The following NEK11 variants were observed in gnomAD, a reference collection of about 807,000 sequenced individuals.
The protein encoded by NEK11 is serine/threonine-protein kinase Nek11.
Under a neutral mutation model 80.7 loss-of-function variants are expected in NEK11, and 72 were observed. The ratio of observed to expected loss-of-function variants is 0.89; its 90% CI spans 0.74 to 1.08. NEK11 has a LOEUF of 1.08. NEK11 is among the 50% of genes least tolerant of loss of function. NEK11 has a pLI of 0.00. For missense variants in NEK11, 764 were observed against 763.6 expected (o/e 1.00, Z -0.01); for synonymous variants, 251 against 260.7 (o/e 0.96, Z 0.36).
chr3:131,067,690 T>C (rs530769923), intron 3 of NEK11, among the ~76,000 whole-genome samples: 1 of 152,320 alleles, frequency 6.6e-6, no homozygotes, highest in South Asian at 2.1e-4. Context: ...AATTTTTTGT[T>C]GTATTATGTA....
At chr3:131,231,233 G>T (rs867085465) in intron 15 of NEK11, among the ~76,000 whole-genome samples, 6 of 147,342 alleles carry the variant, frequency 4.1e-5, no homozygotes, top group Non-Finnish European at 9.0e-5. Context: ...ACAGTGTCTC[G>T]CTCTGTTGCC....
chr3:131,260,046 G>C (rs974485410), intron 16 of NEK11, among the ~76,000 whole-genome samples: 1 of 152,110 alleles, frequency 6.6e-6, no homozygotes, highest in Non-Finnish European at 1.5e-5. Context: ...CAGCAGAGTA[G>C]AGCAGCTTTC....
At chr3:131,166,061 A>T (rs1254585344) in intron 12 of NEK11, among the ~76,000 whole-genome samples, 2 of 152,194 alleles carry the variant, frequency 1.3e-5, no homozygotes, top group East Asian at 3.8e-4. Flanking sequence ...AAATCTGTAA[A>T]TAGCAAACAC....
chr3:131,188,628 T>C (rs1026574980), intron 14 of NEK11, among the ~76,000 whole-genome samples: 1 of 152,178 alleles, frequency 6.6e-6, no homozygotes, highest in Admixed American at 6.6e-5. Flanking sequence ...TTCCTGCTCC[T>C]AGGCAATTGC....
chr3:131,097,932 C>G (rs541499478), intron 4 of NEK11, among the ~76,000 whole-genome samples: 1 of 145,728 alleles, frequency 6.9e-6, no homozygotes, highest in African/African-American at 2.5e-5. Flanking sequence ...GTAACCAAAA[C>G]AGCATGGTAC....
At chr3:131,033,261 C>T (rs1240912518) in intron 3 of NEK11, among the ~76,000 whole-genome samples, 1 of 151,988 alleles carries the variant, frequency 6.6e-6, no homozygotes, top group African/African-American at 2.4e-5. Context: ...ATTGTCCAAG[C>T]AATTTGACTA....
chr3:131,101,013 A>G (rs562818250), intron 4 of NEK11, among the ~76,000 whole-genome samples: 2 of 152,022 alleles, frequency 1.3e-5, no homozygotes, highest in East Asian at 1.9e-4. Context: ...TAGATTTTCT[A>G]TTTTGTGTGT....
chr3:131,102,360 A>G (rs969161943), intron 4 of NEK11, among the ~76,000 whole-genome samples: 1 of 152,186 alleles, frequency 6.6e-6, no homozygotes, highest in African/African-American at 2.4e-5. Flanking sequence ...ACCACTCGTG[A>G]GGCTGGTCTA....
intron 16 of NEK11, among the ~76,000 whole-genome samples, chr3:131,255,558 A>G (rs968485290): frequency 1.3e-5 from 2 of 152,158 alleles, no homozygotes; most frequent in Non-Finnish European, 2.9e-5. Context: ...CACACCTTAC[A>G]TTCCAGTAGC....
intron 10 of NEK11, among the ~76,000 whole-genome samples, chr3:131,160,756 GA>G (rs2091434731): frequency 6.6e-6 from 1 of 152,068 alleles, no homozygotes; most frequent in Non-Finnish European, 1.5e-5. Context: ...TGGAAAATAG[GA>G]AAAAGCAGGG....
intron 16 of NEK11, among the ~76,000 whole-genome samples, chr3:131,251,868 A>C (rs1488550220): frequency 6.6e-6 from 1 of 152,110 alleles, no homozygotes; most frequent in African/African-American, 2.4e-5. Context: ...ACAGACATTG[A>C]GATGATGGGA....
At chr3:131,257,112 T>C (rs1389928442) in intron 16 of NEK11, among the ~76,000 whole-genome samples, 2 of 151,844 alleles carry the variant, frequency 1.3e-5, no homozygotes, top group Non-Finnish European at 2.9e-5. Context: ...CAGCCTCTCA[T>C]GCAGCAGGGA....
chr3:131,296,812 T>TC (rs1242843324), intron 17 of NEK11, among the ~76,000 whole-genome samples: 1 of 138,396 alleles, frequency 7.2e-6, no homozygotes, highest in African/African-American at 2.7e-5. Flanking sequence ...CCCTCCCCAC[T>TC]CCCCCCACCC....
chr3:131,155,565 C>T (rs1401696679), intron 10 of NEK11, among the ~76,000 whole-genome samples: 4 of 152,166 alleles, frequency 2.6e-5, no homozygotes, highest in Non-Finnish European at 5.9e-5. Context: ...TTGAAATATA[C>T]ATTCCTTCAC....
At position 131,136,937 on chromosome 3, in the gene NEK11, T is replaced by C. The variant is rs566151489; in HGVS notation, c.647+2981T>C. Reference sequence around the variant, plus strand: ...ATAAAGGACAATATTATTTGAATAATGGTACTGCAATTAGACAGAAAGAAA... The same window carrying C: ...ATAAAGGACAATATTATTTGAATAACGGTACTGCAATTAGACAGAAAGAAA... On this transcript the variant is annotated intron_variant, in intron 7 of 17. Transcript: ENST00000383366. Among the ~76,000 whole-genome samples, 3 of 152,324 alleles carry C rather than the reference T, an allele frequency of 2.0e-5. 1 individual carries two copies. The South Asian group carries it at 6.2e-4, about 32-fold the overall frequency.
chr3:131,121,968 C>T (rs6801321), intron 5 of NEK11, among the ~76,000 whole-genome samples: 28,024 of 152,174 alleles, frequency 0.18, 2,679 homozygotes, highest in Middle Eastern at 0.22. Context: ...CTTCAGCTCA[C>T]GCTCTGTGGG....
intron 3 of NEK11, among the ~76,000 whole-genome samples, chr3:131,038,951 G>A (rs1039107487): frequency 2.4e-4 from 37 of 152,268 alleles, no homozygotes; most frequent in South Asian, 8.3e-4. Flanking sequence ...GTATGAGATA[G>A]GGGAATATCT....
intron 16 of NEK11, among the ~76,000 whole-genome samples, chr3:131,262,870 G>C (rs2095958056): frequency 6.6e-6 from 1 of 151,558 alleles, no homozygotes; most frequent in Admixed American, 6.6e-5. Flanking sequence ...AAGTCCATGT[G>C]TTCTCATTGT....
intron 17 of NEK11, among the ~76,000 whole-genome samples, chr3:131,301,677 A>C (rs1019675430): frequency 6.6e-6 from 1 of 152,100 alleles, no homozygotes; most frequent in Non-Finnish European, 1.5e-5. Flanking sequence ...GGTGAATCAC[A>C]TTTATTGATT....
Sources: allele counts gnomAD v4.1 joint callset (sites outside exome capture counted in the v4.1 genomes callset), GRCh38; gene constraint gnomAD v4.1.1; transcripts MANE v1.5; gene names NCBI Gene and HGNC (gene_info 2026-07-23, HGNC 2026-07-21).